The following SVEP1 variants were observed in gnomAD, a reference collection of about 807,000 sequenced individuals.
SVEP1 encodes the protein sushi, von Willebrand factor type A, EGF and pentraxin domain-containing protein 1.
In SVEP1, 164 loss-of-function variants were observed where a neutral mutation model predicts 367.3. The ratio of observed to expected loss-of-function variants is 0.45; its 90% confidence interval spans 0.39 to 0.51. The LOEUF is 0.51. Among genes scored for constraint, SVEP1 ranks in the 20% least tolerant of loss-of-function variants. The pLI is 0.00. For synonymous variants in SVEP1, 1,666 were observed against 1,611.6 expected (o/e 1.03, Z -0.81); for missense variants, 4,117 against 4,425.3 (o/e 0.93, Z 1.98).
chr9:110,481,018 T>TGA (rs1331311773), intron 12 of SVEP1, among the ~76,000 whole-genome samples: 1 of 152,216 alleles, frequency 6.6e-6, no homozygotes, highest in African/African-American at 2.4e-5. Context: ...CAGATGGTTC[T>TGA]GCCTTAAACT....
chr9:110,389,435 C>T (rs1827589339), intron 41 of SVEP1, 89 bp downstream of exon 41: 3 of 1,503,520 alleles, frequency 2.0e-6, no homozygotes, highest in Non-Finnish European at 2.7e-6. Context: ...ATTTTAATTA[C>T]AAAACTAACC....
chr9:110,528,152 GTGTGTATATATATATATATA>G (rs1239236207), intron 3 of SVEP1, among the ~76,000 whole-genome samples: 1 of 22,082 alleles, frequency 4.5e-5, no homozygotes, highest in African/African-American at 1.1e-4. Context: ...GTGTGTGTGT[GTGTGTATATATATATATATA>G]TATATATATA....
At chr9:110,443,793 A>G in intron 26 of SVEP1, 73 bp from the exon 27 acceptor site, 1 of 1,307,674 alleles carries the variant, frequency 7.6e-7, no homozygotes, top group African/African-American at 1.5e-5. Context: ...GGCATGCTAC[A>G]ATTTTTCTTC....
Position 110,408,551 on chromosome 9 carries a change from T to C in SVEP1, c.7049A>G (p.Lys2350Arg). Residue 2350 changes from lysine (K) to arginine (R), a missense_variant, in exon 38 of 48, where the codon AAA (lysine) becomes AGA (arginine). Around this residue, in one of 4 missense-constraint regions of SVEP1, gnomAD observed 1,765 missense variants for 1,781.1 expected, o/e 0.99. Transcript: ENST00000374469. ...GGGGCCTTGCAGGACATGCCCTTCTTTACAGGAAAATGTCACAACTCCTAC... is the reference window on the plus strand; with the variant it reads ...GGGGCCTTGCAGGACATGCCCTTCTCTACAGGAAAATGTCACAACTCCTAC... ...TEVGVVTFSC[K>R]EGHVLQGPSV... 6.2e-7 allele frequency: 1 copy of C among 1,613,848 alleles called. No homozygotes were observed. Among genetic ancestry groups the C allele is most frequent in the Non-Finnish European group, 8.5e-7 (1 of 1,179,856 alleles).
At chr9:110,438,383 GT>G (rs1828463329) in intron 27 of SVEP1, among the ~76,000 whole-genome samples, 1 of 151,628 alleles carries the variant, frequency 6.6e-6, no homozygotes, top group Non-Finnish European at 1.5e-5. Context: ...GAGAGATGGG[GT>G]TTCGCCCACC....
At chr9:110,443,746 T>C (rs1263189779) in intron 26 of SVEP1, 26 bp from the exon 27 acceptor site, 4 of 1,544,118 alleles carry the variant, frequency 2.6e-6, no homozygotes, top group South Asian at 2.5e-5. Context: ...TTCCAGGGAA[T>C]GTAGTCATTA....
At position 110,546,182 on chromosome 9, in the gene SVEP1, G is replaced by C. The variant is rs1564172998; in HGVS notation, c.897C>G (p.His299Gln). Residue 299 changes from histidine to glutamine, a missense_variant, in exon 3 of 48, where the codon CAC becomes CAG. Coordinates refer to ENST00000374469, the MANE Select transcript of SVEP1 (RefSeq NM_153366.4). ...DRMGSCKCGT[H>Q]TGHFECICEK... ...CACAGATGCACTCAAAATGGCCTGT[G>C]TGTGTCCCACATTTGCAGCTTCCCA... 12 of 1,561,918 alleles carry C rather than the reference G, an allele frequency of 7.7e-6. No homozygotes were observed. Among genetic ancestry groups the C allele is most frequent in the Non-Finnish European group, 9.5e-6 (11 of 1,152,436 alleles).
intron 3 of SVEP1, among the ~76,000 whole-genome samples, chr9:110,543,049 G>A (rs950642706): frequency 2.0e-5 from 3 of 151,234 alleles, no homozygotes; most frequent in Admixed American, 2.0e-4. Context: ...GGATGACTTA[G>A]AGCTAAGATT....
intron 1 of SVEP1, among the ~76,000 whole-genome samples, chr9:110,572,789 C>CAAAAAAAAAAAAAAAAAAAAAA (rs56077443): frequency 1.6e-4 from 12 of 76,522 alleles, no homozygotes; most frequent in Non-Finnish European, 2.2e-4. Flanking sequence ...CTCTCTCTCA[C>CAAAAAAAAAAAAAAAAAAAAAA]AAAAAAAAAA....
chr9:110,436,573 A>G lies in SVEP1; in HGVS notation c.4640-69T>C, dbSNP rs1367190998. Reference sequence around the variant, plus strand: ...ATGGTCTGTTATTCCTAAAATCCAAATTTAATGAAAGCACGACTGATACAA... The same window carrying G: ...ATGGTCTGTTATTCCTAAAATCCAAGTTTAATGAAAGCACGACTGATACAA... On this transcript the variant is annotated intron_variant, in intron 27 of 47. Coordinates refer to ENST00000374469, the MANE Select transcript of SVEP1 (RefSeq NM_153366.4). 4.6e-6 allele frequency: 7 copies of G among 1,536,490 alleles called. No individual in the cohort carries two copies. The East Asian group carries it at 7.1e-5, about 16-fold the overall frequency.
chr9:110,404,652 T>TTGA (rs1827926778), intron 38 of SVEP1, 100 bp from the exon 39 acceptor site: 1 of 1,084,142 alleles, frequency 9.2e-7, no homozygotes, highest in Admixed American at 1.9e-5. Context: ...CAGTAGATAT[T>TTGA]TTGTGCAACA....
chr9:110,506,770 A>G (rs1410613771), intron 5 of SVEP1, among the ~76,000 whole-genome samples: 2 of 152,114 alleles, frequency 1.3e-5, no homozygotes, highest in Non-Finnish European at 2.9e-5. Context: ...AGCGTAAAGG[A>G]GAAAGGAAAA....
chr9:110,541,812 CAT>C (rs1245536240), intron 3 of SVEP1, among the ~76,000 whole-genome samples: 2 of 139,022 alleles, frequency 1.4e-5, no homozygotes, highest in Admixed American at 1.5e-4. Flanking sequence ...TATCTATATA[CAT>C]AGATATCTAT....
At chr9:110,560,522 T>C (rs1830414038) in intron 1 of SVEP1, among the ~76,000 whole-genome samples, 1 of 152,170 alleles carries the variant, frequency 6.6e-6, no homozygotes. Flanking sequence ...CTCAGAACTT[T>C]GAGTCTCACT....
chr9:110,493,218 G>C (rs1052275034), intron 8 of SVEP1, among the ~76,000 whole-genome samples: 2 of 152,064 alleles, frequency 1.3e-5, no homozygotes, highest in African/African-American at 4.8e-5. Flanking sequence ...GGTTGGGGAG[G>C]GGGTGGTGCT....
At chr9:110,572,146 A>C (rs760571432) in intron 1 of SVEP1, among the ~76,000 whole-genome samples, 6 of 152,262 alleles carry the variant, frequency 3.9e-5, no homozygotes, top group Non-Finnish European at 8.8e-5. Flanking sequence ...CCAGGTGATA[A>C]ATCAGAAGAC....
chr9:110,390,325 T>TTATATAAGTATGTGTATATATACG lies in SVEP1; in HGVS notation c.9823-739_9823-738insCGTATATATACACATACTTATATA, dbSNP rs1564127547. On this transcript the variant is annotated intron_variant, in intron 40 of 47. Transcript: ENST00000374469. ...CTTATATAAGTATGTGTATATATACTTATATATACACATACTTATATACAC... is the reference window on the plus strand; with the variant it reads ...CTTATATAAGTATGTGTATATATACTTATATAAGTATGTGTATATATACGTATATATACACATACTTATATACAC... Among the ~76,000 whole-genome samples, 92 of 58,054 alleles carry TTATATAAGTATGTGTATATATACG rather than the reference T, an allele frequency of 1.6e-3. 8 individuals are homozygous for TTATATAAGTATGTGTATATATACG. The highest frequency in any genetic ancestry group is 7.6e-3 in the African/African-American group (90 of 11,806). The allele number at this position is 58,054 out of a possible 152,430, so 38.1% of individuals were successfully genotyped here. A position where few individuals can be genotyped will look rare whatever the true frequency, so the allele number is the denominator to read the frequency against.
chr9:110,499,075 T>C lies in SVEP1; in HGVS notation c.1647A>G (p.Lys549=). The change falls in exon 7 of 48, where the codon AAA becomes AAG. Residue 549 remains lysine (K), a synonymous_variant. Coordinates refer to ENST00000374469, the MANE Select transcript of SVEP1 (RefSeq NM_153366.4). ...CAGCTGCCTGAACTCCGACATTCCATTTTCCAGAAGTGGTACATCTCAGCA... is the reference window on the plus strand; with the variant it reads ...CAGCTGCCTGAACTCCGACATTCCACTTTCCAGAAGTGGTACATCTCAGCA... ...KEMLRCTTSG[K]WNVGVQAAVC... The C allele has an allele frequency of 6.2e-7, 1 of 1,613,694 alleles. No homozygotes were observed. Among genetic ancestry groups the C allele is most frequent in the African/African-American group, 1.3e-5 (1 of 75,026 alleles).
intron 5 of SVEP1, among the ~76,000 whole-genome samples, chr9:110,509,082 G>C (rs1829670653): frequency 6.6e-6 from 1 of 152,070 alleles, no homozygotes; most frequent in African/African-American, 2.4e-5. Flanking sequence ...AAACAGACAT[G>C]AAATCCTACC....
Sources: allele counts gnomAD v4.1 joint callset (sites outside exome capture counted in the v4.1 genomes callset), GRCh38; gene constraint gnomAD v4.1.1; regional missense constraint gnomAD v4.1.1; transcripts MANE v1.5; gene names NCBI Gene and HGNC (gene_info 2026-07-23, HGNC 2026-07-21).